Variants in SNAP25 observed in about 807,000 individuals in gnomAD.
SNAP25 encodes synaptosome associated protein 25, also known as synaptosomal-associated protein 25.
A neutral mutation model predicts 28.7 loss-of-function variants in SNAP25; 3 were observed. The observed-to-expected ratio is 0.10, with a 90% confidence interval of 0.05 to 0.27. SNAP25 has a LOEUF of 0.27. SNAP25 is among the 10% of genes least tolerant of loss of function. The probability of loss-of-function intolerance (pLI) is 1.00; values close to 1 mark genes in which losing one functional copy is unlikely to be tolerated. For missense variants in SNAP25, 117 were observed against 278.7 expected, an observed-to-expected ratio of 0.42 and a Z score of 4.13; for synonymous variants, 61 against 88.1, an observed-to-expected ratio of 0.69 and a Z score of 1.72.
At chr20:10,255,555 A>G (rs2063305743) in intron 1 of SNAP25, among the ~76,000 whole-genome samples, 1 of 152,170 alleles carries the variant, frequency 6.6e-6, no homozygotes, top group African/African-American at 2.4e-5. Flanking sequence ...GAGATGCAAA[A>G]TGTAGGGTTT....
At chr20:10,228,403 C>T (rs1225310271) in intron 1 of SNAP25, among the ~76,000 whole-genome samples, 1 of 152,120 alleles carries the variant, frequency 6.6e-6, no homozygotes, top group Non-Finnish European at 1.5e-5. Context: ...ACATTGAGAT[C>T]CTCTAACAGA....
intron 4 of SNAP25, among the ~76,000 whole-genome samples, chr20:10,292,565 GT>G (rs199696681): frequency 6.0e-5 from 9 of 151,248 alleles, no homozygotes; most frequent in African/African-American, 1.5e-4. Context: ...CTAACACCCT[GT>G]TTTTTTTTCT....
chr20:10,251,197 G>A (rs1442944128), intron 1 of SNAP25, among the ~76,000 whole-genome samples: 4 of 152,188 alleles, frequency 2.6e-5, no homozygotes, highest in Non-Finnish European at 5.9e-5. Flanking sequence ...GATGCTGGTG[G>A]AGTGACCTGT....
At chr20:10,287,684 A>G (rs1159541047) in intron 4 of SNAP25, among the ~76,000 whole-genome samples, 1 of 150,142 alleles carries the variant, frequency 6.7e-6, no homozygotes, top group African/African-American at 2.5e-5. Context: ...ACTATAAATC[A>G]TGCTGCTATA....
intron 7 of SNAP25, among the ~76,000 whole-genome samples, chr20:10,301,121 A>G (rs1173826040): frequency 6.6e-6 from 1 of 152,240 alleles, no homozygotes; most frequent in Non-Finnish European, 1.5e-5. Context: ...TTATTGACAG[A>G]GTTGAACTTT....
At chr20:10,285,695 C>T (rs765451873) in intron 4 of SNAP25, among the ~76,000 whole-genome samples, 2 of 151,780 alleles carry the variant, frequency 1.3e-5, no homozygotes, top group African/African-American at 2.4e-5. Context: ...TGGGGGGGAA[C>T]GTGCCTGACA....
At chr20:10,300,996 G>C (rs1426427768) in intron 7 of SNAP25, among the ~76,000 whole-genome samples, 1 of 152,066 alleles carries the variant, frequency 6.6e-6, no homozygotes, top group Non-Finnish European at 1.5e-5. Flanking sequence ...AAAAAAACAG[G>C]AAGTATTCAT....
intron 1 of SNAP25, among the ~76,000 whole-genome samples, chr20:10,222,888 A>G (rs1042932950): frequency 2.6e-5 from 4 of 152,234 alleles, no homozygotes; most frequent in Non-Finnish European, 5.9e-5. Context: ...AAATGAAATT[A>G]TGCAAGTTGA....
At position 10,293,427 on chromosome 20, in the gene SNAP25, A is replaced by G. The variant is rs1600775841; in HGVS notation, c.281+149A>G. On this transcript the variant is annotated intron_variant, in intron 5 of 7. Coordinates refer to ENST00000254976, the MANE Select transcript of SNAP25 (RefSeq NM_130811.4). This position sits in a 1 kb window ranked among gnomAD's most constrained non-coding sequence, Gnocchi z 5.6. ...GTCTCCAATGCATTCATCTCATAGCATAGATGATATTAGCAGGAGTTACTG... is the reference window on the plus strand; with the variant it reads ...GTCTCCAATGCATTCATCTCATAGCGTAGATGATATTAGCAGGAGTTACTG... 4.8e-6 allele frequency: 3 copies of G among 619,222 alleles called. No homozygotes were observed. The highest frequency in any genetic ancestry group is 2.7e-5 in the East Asian group (1 of 36,448). The allele number at this position is 619,222 out of a possible 1,614,324, so 38.4% of individuals were successfully genotyped here.
chr20:10,255,563 T>G (rs1273689138), intron 1 of SNAP25, among the ~76,000 whole-genome samples: 1 of 152,076 alleles, frequency 6.6e-6, no homozygotes, highest in Middle Eastern at 3.2e-3. Flanking sequence ...AAATGTAGGG[T>G]TTTGGGCCCA....
intron 3 of SNAP25, among the ~76,000 whole-genome samples, chr20:10,280,616 A>G (rs2063763379): frequency 6.6e-6 from 1 of 152,188 alleles, no homozygotes; most frequent in South Asian, 2.1e-4. Flanking sequence ...ATTCCAGGAA[A>G]AAAAGTTAAC....
intron 4 of SNAP25, among the ~76,000 whole-genome samples, chr20:10,290,018 C>T (rs1037607122): frequency 1.3e-5 from 2 of 151,926 alleles, no homozygotes; most frequent in Admixed American, 6.6e-5. Context: ...TCCTCCCAGC[C>T]CCCAAGAATA....
chr20:10,290,110 G>T, intron 4 of SNAP25, among the ~76,000 whole-genome samples: 1 of 152,130 alleles, frequency 6.6e-6, no homozygotes, highest in East Asian at 1.9e-4. Context: ...CCTCAGAGAT[G>T]CTGCTGTTCA....
chr20:10,293,360 A>G lies in SNAP25; in HGVS notation c.281+82A>G, dbSNP rs1199275579. 5 of 1,019,302 alleles carry G rather than the reference A, an allele frequency of 4.9e-6. No homozygotes were observed. In the East Asian group the frequency reaches 9.5e-5, roughly 19 times the overall value. 63.1% of individuals were successfully genotyped at this position (1,019,302 alleles called of 1,614,324 possible). A position where few individuals can be genotyped will look rare whatever the true frequency, so the allele number is the denominator to read the frequency against. On this transcript the variant is annotated intron_variant, in intron 5 of 7. Transcript: ENST00000254976. The surrounding 1 kb of genome is among the most constrained non-coding windows in gnomAD (Gnocchi z 5.6). Reference sequence around the variant, plus strand: ...TGACAAGCTCATTCCTGCCAAGCTCATAGGCAGGATGAGCATGTGGCATGC... The same window carrying G: ...TGACAAGCTCATTCCTGCCAAGCTCGTAGGCAGGATGAGCATGTGGCATGC...
chr20:10,305,501 C>T (rs78479265), intron 7 of SNAP25, among the ~76,000 whole-genome samples: 2,489 of 152,146 alleles, frequency 0.016, 68 homozygotes, highest in African/African-American at 0.057. Context: ...ATGATCACAC[C>T]GCTGTTCCCC....
chr20:10,305,318 G>A (rs2064328712), intron 7 of SNAP25, among the ~76,000 whole-genome samples: 3 of 152,156 alleles, frequency 2.0e-5, no homozygotes, highest in South Asian at 4.1e-4. Flanking sequence ...GAGGAGGGAG[G>A]ACTGCTTGAG....
intron 3 of SNAP25, 181 bp downstream of exon 3, chr20:10,277,907 A>G: frequency 1.8e-6 from 1 of 565,102 alleles, no homozygotes. Context: ...CCATGAAGAC[A>G]CCTTCACCCT....
chr20:10,247,757 GGAT>G (rs1401943673), intron 1 of SNAP25, among the ~76,000 whole-genome samples: 1 of 152,214 alleles, frequency 6.6e-6, no homozygotes, highest in African/African-American at 2.4e-5. Flanking sequence ...CTCGGAGAGA[GGAT>G]GATGGCACGA....
rs982467475 is a variant in SNAP25, at chr20:10,306,641, G to A, written c.*444G>A. 1.3e-5 allele frequency: 2 copies of A among 154,900 alleles called. No individual in the cohort carries two copies. Among genetic ancestry groups the A allele is most frequent in the African/African-American group, 2.4e-5 (1 of 41,494 alleles). The allele number at this position is 154,900 out of a possible 1,614,324, so 9.6% of individuals were successfully genotyped here. ...GTGCCGTCTTTGGTTCCTCATGGCTGTTATCTGTCTTTATGATTTCATGAT... is the reference window on the plus strand; with the variant it reads ...GTGCCGTCTTTGGTTCCTCATGGCTATTATCTGTCTTTATGATTTCATGAT... On this transcript the variant is annotated 3_prime_UTR_variant, in exon 8 of 8. Transcript: ENST00000254976.
Sources: gnomAD v4.1 joint callset for allele counts (sites outside exome capture counted in the v4.1 genomes callset) on GRCh38, gnomAD v4.1.1 for gene constraint, Gnocchi (gnomAD v3.1) non-coding constraint, MANE v1.5 for transcripts, NCBI Gene and HGNC (gene_info 2026-07-23, HGNC 2026-07-21) for gene names.